The following PLEC variants were observed in gnomAD, a reference collection of about 807,000 sequenced individuals.
PLEC encodes the protein hemidesmosomal protein 1.
In PLEC, 216 loss-of-function variants were observed where a neutral mutation model predicts 392.8. The observed-to-expected ratio is 0.55, with a 90% CI of 0.49 to 0.62. PLEC has a LOEUF of 0.62. PLEC is among the 20% of genes least tolerant of loss of function. The pLI is 0.00. For missense variants in PLEC, 6,863 were observed against 6,563.4 expected (o/e 1.05, Z -1.58); for synonymous variants, 3,621 against 2,980.6 (o/e 1.21, Z -7.00).
Position 143,964,649 on chromosome 8 carries a change from C to T in PLEC, c.70+8754G>A, listed in dbSNP as rs542309861. On this transcript the variant is annotated intron_variant, in intron 1 of 31. Transcript: ENST00000356346. ...TTTAAGGCCACCCAGTTTGTGGGTA[C>T]GTGTGACAGCAGCCACAGGAACCTA... Among the ~76,000 whole-genome samples, 307 of 152,234 alleles carry T rather than the reference C, an allele frequency of 2.0e-3. 1 individual carries two copies. The highest frequency in any genetic ancestry group is 6.8e-3 in the Middle Eastern group (2 of 294).
chr8:143,970,189 C>T (rs1315046396), intron 1 of PLEC, among the ~76,000 whole-genome samples: 1 of 151,786 alleles, frequency 6.6e-6, no homozygotes, highest in African/African-American at 2.4e-5. Context: ...TGGCGTAGGG[C>T]GTCATCTGCA....
Position 143,917,695 on chromosome 8 carries a change from C to G in PLEC, c.12126G>C (p.Leu4042=), listed in dbSNP as rs1554672901. The change falls in exon 32 of 32, where the codon CTG becomes CTC. Residue 4042 remains leucine, a synonymous_variant. Coordinates refer to ENST00000345136, the MANE Select transcript of PLEC (RefSeq NM_201384.3). ...GLILKDHGIR[L]LEAQIATGGI... ...CGCCCGTGGCGATCTGGGCCTCCAG[C>G]AGGCGGATGCCATGGTCCTTCAGGA... 1.9e-6 allele frequency: 3 copies of G among 1,613,602 alleles called. No individual in the cohort carries two copies. The highest frequency in any genetic ancestry group is 1.6e-4 in the Middle Eastern group (1 of 6,062).
chr8:143,921,964 C>A lies in PLEC; in HGVS notation c.7857G>T (p.Gln2619His). ...LAHSEEVTAS[Q>H]VAATKTLPNG... ...TGGGCAGGGTCTTTGTGGCAGCCAC[C>A]TGCGAGGCAGTGACCTCCTCTGAGT... The change falls in exon 32 of 32, where the codon CAG (glutamine) becomes CAT (histidine). Residue 2619 changes from glutamine (Q) to histidine (H), a missense_variant. Gln to His is a conservative substitution (Grantham distance 24, BLOSUM62 0). Coordinates refer to ENST00000345136, the MANE Select transcript of PLEC (RefSeq NM_201384.3). The A allele has an allele frequency of 6.3e-7, 1 of 1,598,854 alleles. No individual in the cohort carries two copies. Among genetic ancestry groups the A allele is most frequent in the Non-Finnish European group, 8.5e-7 (1 of 1,179,762 alleles).
rs201525870 is a variant in PLEC, at chr8:143,931,671, G to A, written c.2179-12C>T. The stretch of plus-strand genomic sequence containing the variant: ...ACATCTGAGAAGAACTGGGGCAGCG[G>A]GAGGGGGTCACGCCAGGCTACCTGG... On this transcript the variant is annotated splice_polypyrimidine_tract_variant and intron_variant, in intron 18 of 31. Transcript: ENST00000345136. 25 of 1,595,888 alleles carry A rather than the reference G, an allele frequency of 1.6e-5. No homozygotes were observed. In the Admixed American group the frequency reaches 1.9e-4, roughly 12 times the overall value.
In PLEC at chr8:143,927,570, T is replaced by A; in HGVS notation, c.3596A>T (p.Gln1199Leu). Residue 1199 changes from glutamine (Q) to leucine (L), a missense_variant, in exon 27 of 32, where the codon CAG becomes CTG. Transcript: ENST00000345136. ...QAVLAQTDVR[Q>L]RELEQLGRQL... is the part of the protein sequence containing the mutation. ...GCGGCCCAGTTGCTCGAGCTCGCGCTGCCGCACGTCGGTCTGGGCCAGCAC... is the reference window on the plus strand; with the variant it reads ...GCGGCCCAGTTGCTCGAGCTCGCGCAGCCGCACGTCGGTCTGGGCCAGCAC... 1 of 1,592,122 alleles carries A rather than the reference T, an allele frequency of 6.3e-7. No individual in the cohort carries two copies. Among genetic ancestry groups the A allele is most frequent in the South Asian group, 1.1e-5 (1 of 90,178 alleles).
At chr8:143,947,150 C>G (rs1831590592) in intron 1 of PLEC, among the ~76,000 whole-genome samples, 1 of 152,242 alleles carries the variant, frequency 6.6e-6, no homozygotes, top group African/African-American at 2.4e-5. Flanking sequence ...CACCCTGTGG[C>G]TGGGAAGAAG....
At chr8:143,939,886 C>A (rs1234903351), upstream of PLEC, among the ~76,000 whole-genome samples, 5 of 152,232 alleles carry the variant, frequency 3.3e-5, no homozygotes, top group Admixed American at 2.0e-4. Flanking sequence ...GCCGTCCCCA[C>A]AGCCACCCAG....
intron 23 of PLEC, 29 bp from the exon 24 acceptor site, chr8:143,929,600 GC>G: frequency 1.2e-6 from 2 of 1,611,092 alleles, no homozygotes; most frequent in Non-Finnish European, 1.7e-6. Context: ...TCACTCCACC[GC>G]CCACCTCGCA....
At chr8:143,961,589 C>G (rs1554740909) in intron 1 of PLEC, among the ~76,000 whole-genome samples, 1 of 152,164 alleles carries the variant, frequency 6.6e-6, no homozygotes, top group African/African-American at 2.4e-5. Context: ...CTGTTCACTG[C>G]AGTCATTTCT....
chr8:143,934,392 A>G lies in PLEC; in HGVS notation c.1095T>C (p.Asp365=), dbSNP rs11783799. The change falls in exon 11 of 32, where the codon GAT becomes GAC. Residue 365 remains aspartate (D), a synonymous_variant. Transcript: ENST00000345136. Reference sequence around the variant, plus strand: ...GCAGCTTGCCCCACTCCTTCTCCACATCCAGCGGGTGGTAGCCAGGGGGCA... The same window carrying G: ...GCAGCTTGCCCCACTCCTTCTCCACGTCCAGCGGGTGGTAGCCAGGGGGCA... The part of the protein sequence containing the change: ...LKVPPGYHPL[D]VEKEWGKLHV... 592,731 of 1,612,054 alleles carry G rather than the reference A, an allele frequency of 0.37. 114,126 individuals carry two copies. Among genetic ancestry groups the G allele is most frequent in the Non-Finnish European group, 0.4 (467,004 of 1,179,790 alleles).
intron 5 of PLEC, 97 bp from the exon 6 acceptor site, chr8:143,936,111 C>T (rs1828985423): frequency 7.1e-7 from 1 of 1,416,502 alleles, no homozygotes; most frequent in African/African-American, 1.4e-5. Context: ...AGCTCAGCAC[C>T]CAGGGGGAGT....
chr8:143,953,664 C>G (rs1242398620), upstream of PLEC: 4 of 1,554,104 alleles, frequency 2.6e-6, no homozygotes, highest in Non-Finnish European at 3.5e-6. Flanking sequence ...GTGGACTGCA[C>G]CCAGCCAGAG....
Position 143,922,099 on chromosome 8 carries a change from C to T in PLEC, c.7722G>A (p.Gln2574=), listed in dbSNP as rs1250278911. Residue 2574 remains glutamine, a synonymous_variant, in exon 32 of 32, where the codon CAG becomes CAA. Coordinates refer to ENST00000345136, the MANE Select transcript of PLEC (RefSeq NM_201384.3). ...GCTGCCGCCGCTGCTGCTCCAGCTG[C>T]TGCAGCTCCTCCTGCTTGCGCCGCA... ...EGVRRKQEEL[Q]QLEQQRRQQE... is the part of the protein sequence containing the mutation. 1 of 1,562,214 alleles carries T rather than the reference C, an allele frequency of 6.4e-7. No individual in the cohort carries two copies. The highest frequency in any genetic ancestry group is 8.6e-7 in the Non-Finnish European group (1 of 1,161,018).
At chr8:143,944,033 A>ACG, upstream of PLEC, 1 of 1,282,802 alleles carries the variant, frequency 7.8e-7, no homozygotes, top group South Asian at 1.4e-5. Flanking sequence ...ACCGCCCCAT[A>ACG]CGCGGCGGCA....
At chr8:143,952,180 A>AC, upstream of PLEC, among the ~76,000 whole-genome samples, 1 of 76,644 alleles carries the variant, frequency 1.3e-5, no homozygotes, top group African/African-American at 5.2e-5. Context: ...TGCAGGCTCC[A>AC]AACACACACA....
At position 143,918,745 on chromosome 8, in the gene PLEC, C is replaced by G. The variant is rs781798004; in HGVS notation, c.11076G>C (p.Val3692=). The change falls in exon 32 of 32, where the codon GTG becomes GTC. Residue 3692 remains valine, a synonymous_variant. Coordinates refer to ENST00000345136, the MANE Select transcript of PLEC (RefSeq NM_201384.3). ...TGGAACCGGGCAGGTAGACACCAGC[C>G]ACGGAGCCCGTGCCATAGAGGTAGC... The part of the protein sequence containing the change: ...AWCYLYGTGS[V]AGVYLPGSRQ... 1 of 1,613,054 alleles carries G rather than the reference C, an allele frequency of 6.2e-7. No homozygotes were observed. Among genetic ancestry groups the G allele is most frequent in the East Asian group, 2.2e-5 (1 of 44,860 alleles).
At chr8:143,937,108 C>A in intron 4 of PLEC, 37 bp from the exon 5 acceptor site, 1 of 1,608,426 alleles carries the variant, frequency 6.2e-7, no homozygotes, top group Non-Finnish European at 8.5e-7. Flanking sequence ...GCCCACAGGG[C>A]GGGGCTGGCT....
In PLEC at chr8:143,917,764, A is replaced by C; in HGVS notation, c.12057T>G (p.Ser4019=). The change falls in exon 32 of 32, where the codon TCT becomes TCG. Residue 4019 remains serine (S), a synonymous_variant. Coordinates refer to ENST00000345136, the MANE Select transcript of PLEC (RefSeq NM_201384.3). Reference sequence around the variant, plus strand: ...CCTGGAAGAGGGAGATGAGCTTCCCAGAGTAGGGGTCCTTGTACCCAGTGA... The same window carrying C: ...CCTGGAAGAGGGAGATGAGCTTCCCCGAGTAGGGGTCCTTGTACCCAGTGA... ...RAVTGYKDPY[S]GKLISLFQAM... The C allele has an allele frequency of 6.2e-7, 1 of 1,613,274 alleles. No individual in the cohort carries two copies. The highest frequency in any genetic ancestry group is 8.5e-7 in the Non-Finnish European group (1 of 1,179,920).
rs781848170 is a variant in PLEC, at chr8:143,937,091, G to A, written c.343-20C>T. 37 of 1,610,802 alleles carry A rather than the reference G, an allele frequency of 2.3e-5. No homozygotes were observed. Among genetic ancestry groups the A allele is most frequent in the East Asian group, 6.7e-5 (3 of 44,850 alleles). Reference sequence around the variant, plus strand: ...CTTCACCTGTGAGCGAGGGGCTCTCGGTCACGGCCCACAGGGCGGGGCTGG... The same window carrying A: ...CTTCACCTGTGAGCGAGGGGCTCTCAGTCACGGCCCACAGGGCGGGGCTGG... On this transcript the variant is annotated intron_variant, in intron 4 of 31. Transcript: ENST00000345136.
Sources: allele counts gnomAD v4.1 joint callset (sites outside exome capture counted in the v4.1 genomes callset), GRCh38; gene constraint gnomAD v4.1.1; transcripts MANE v1.5; gene names NCBI Gene and HGNC (gene_info 2026-07-23, HGNC 2026-07-21).